TTLL6: variants seen among roughly 807,000 people sequenced by gnomAD.
The protein encoded by TTLL6 is tubulin tyrosine ligase like 6.
TTLL6 carries 75 observed loss-of-function variants against 96.4 expected under a neutral mutation model. The observed-to-expected ratio is 0.78, with a 90% CI of 0.65 to 0.94. The LOEUF (loss-of-function observed/expected upper bound fraction) is 0.94. Among genes scored for constraint, TTLL6 ranks in the 40% least tolerant of loss-of-function variants. The pLI, the probability that TTLL6 is intolerant of heterozygous loss-of-function variation, is 0.00. For synonymous variants in TTLL6, 411 were observed against 419.4 expected (o/e 0.98, Z 0.24); for missense variants, 1,030 against 1,093.0 (o/e 0.94, Z 0.81).
intron 1 of TTLL6, among the ~76,000 whole-genome samples, chr17:48,812,882 A>G (rs931673060): frequency 6.6e-6 from 1 of 152,226 alleles, no homozygotes; most frequent in African/African-American, 2.4e-5. Context: ...TTACATTGTT[A>G]AAACATCAAC....
At chr17:48,773,667 A>G (rs2143217452) in intron 13 of TTLL6, among the ~76,000 whole-genome samples, 1 of 152,272 alleles carries the variant, frequency 6.6e-6, no homozygotes, top group Admixed American at 6.5e-5. Flanking sequence ...GGTTGCAGTG[A>G]GCCATGATTG....
Position 48,786,265 on chromosome 17 carries a change from G to T in TTLL6, c.1660C>A (p.Gln554Lys), listed in dbSNP as rs1054041741. The change falls in exon 12 of 16, where the codon CAG becomes AAG. Residue 554 changes from glutamine (Q) to lysine (K), a missense_variant. Physicochemically the swap from Gln to Lys is moderately conservative, Grantham distance 53. Transcript: ENST00000393382. ...ACTTGCTCGCCTGCCGATTCCCCCTGCATCTCTACCTTCTTCTTCATTTGG... is the reference window on the plus strand; with the variant it reads ...ACTTGCTCGCCTGCCGATTCCCCCTTCATCTCTACCTTCTTCTTCATTTGG... The part of the protein sequence containing the change: ...PFQMKKKVEM[Q>K]GESAGEQVRK... 4 of 1,614,038 alleles carry T rather than the reference G, an allele frequency of 2.5e-6. No homozygotes were observed. Among genetic ancestry groups the T allele is most frequent in the Admixed American group, 3.3e-5 (2 of 60,004 alleles).
intron 13 of TTLL6, among the ~76,000 whole-genome samples, chr17:48,775,721 A>G (rs1013172187): frequency 6.6e-6 from 1 of 152,034 alleles, no homozygotes; most frequent in African/African-American, 2.4e-5. Flanking sequence ...TTGTATTTTT[A>G]GTAGAGATGG....
At chr17:48,802,118 GAAA>G (rs2039434878) in intron 3 of TTLL6, among the ~76,000 whole-genome samples, 14 of 127,384 alleles carry the variant, frequency 1.1e-4, no homozygotes, top group African/African-American at 3.6e-4. Context: ...AAGAAAGAAA[GAAA>G]GAAAGAAAGA....
chr17:48,800,497 G>C (rs2039390556), intron 5 of TTLL6, among the ~76,000 whole-genome samples: 2 of 152,146 alleles, frequency 1.3e-5, no homozygotes, highest in South Asian at 4.1e-4. Flanking sequence ...TGACCTGATG[G>C]CAAATACATT....
intron 13 of TTLL6, among the ~76,000 whole-genome samples, chr17:48,780,320 A>G (rs542481498): frequency 1.2e-4 from 19 of 152,222 alleles, no homozygotes; most frequent in African/African-American, 4.3e-4. Flanking sequence ...TGCTGGCATT[A>G]CAGATGGGAG....
intron 13 of TTLL6, among the ~76,000 whole-genome samples, chr17:48,777,953 C>G (rs1369596426): frequency 1.3e-5 from 2 of 151,580 alleles, no homozygotes; most frequent in Non-Finnish European, 2.9e-5. Flanking sequence ...ACCTGAGGTA[C>G]ATGAAAATCT....
At chr17:48,803,186 A>AAATGC (rs1264929185) in intron 3 of TTLL6, among the ~76,000 whole-genome samples, 3 of 151,996 alleles carry the variant, frequency 2.0e-5, no homozygotes, top group Non-Finnish European at 4.4e-5. Context: ...TAAAATAAAT[A>AAATGC]AATGCAATAC....
chr17:48,812,077 C>CA (rs2039605519), intron 1 of TTLL6: 4 of 102,064 alleles, frequency 3.9e-5, no homozygotes, highest in Admixed American at 1.2e-4. Context: ...CCCCCCCCCA[C>CA]CCCCCGCTCA....
At chr17:48,786,831 CTTTTTT>C (rs11446945) in intron 11 of TTLL6, among the ~76,000 whole-genome samples, 19,823 of 122,414 alleles carry the variant, frequency 0.16, 1,456 homozygotes, top group Non-Finnish European at 0.17. Flanking sequence ...CTTCTGTCAT[CTTTTTT>C]TTTTTTTTTT....
chr17:48,793,004 A>G (rs1229672019), intron 8 of TTLL6, among the ~76,000 whole-genome samples: 2 of 152,216 alleles, frequency 1.3e-5, no homozygotes, highest in Non-Finnish European at 2.9e-5. Context: ...ATTCAATTTA[A>G]TACCAGCCAT....
intron 13 of TTLL6, among the ~76,000 whole-genome samples, chr17:48,770,427 CT>C (rs1377822748): frequency 6.6e-6 from 1 of 151,952 alleles, no homozygotes; most frequent in Non-Finnish European, 1.5e-5. Context: ...ACTCTACAGC[CT>C]CCTCTAAAAG....
Position 48,791,455 on chromosome 17 carries a change from T to C in TTLL6, c.1147A>G (p.Thr383Ala). The C allele has an allele frequency of 2.5e-6, 4 of 1,614,036 alleles. No homozygotes were observed. The highest frequency in any genetic ancestry group is 3.4e-6 in the Non-Finnish European group (4 of 1,179,998). ...HNYHTCFPNH[T>A]LNSACFEILG... ...ATCTCAAAGCAGGCGCTGTTGAGTG[T>C]GTGGTTGGGGAAGCAGGTGTGGTAG... The change falls in exon 9 of 16, where the codon ACA becomes GCA. Residue 383 changes from threonine (T) to alanine (A), a missense_variant. Coordinates refer to ENST00000393382, the MANE Select transcript of TTLL6 (RefSeq NM_001130918.3).
intron 13 of TTLL6, among the ~76,000 whole-genome samples, chr17:48,780,998 T>G (rs564685485): frequency 6.6e-6 from 1 of 152,290 alleles, no homozygotes; most frequent in Non-Finnish European, 1.5e-5. Context: ...TCAATTATTT[T>G]GGGTATATAC....
rs1329861385 is a variant in TTLL6, at chr17:48,785,171, T to C, written c.1792A>G (p.Thr598Ala). ...CTGACACTCAAGAGCAAGTCAGGTG[T>C]GTAGGATACTAATGTCAATGGCTGG... ...YIQPLTLVSY[T>A]PDLLLSVRGE... is the part of the protein sequence containing the mutation. The change falls in exon 13 of 16, where the codon ACA (threonine) becomes GCA (alanine). Residue 598 changes from threonine to alanine, a missense_variant. Coordinates refer to ENST00000393382, the MANE Select transcript of TTLL6 (RefSeq NM_001130918.3). 2 of 1,614,160 alleles carry C rather than the reference T, an allele frequency of 1.2e-6. No homozygotes were observed. The highest frequency in any genetic ancestry group is 1.7e-6 in the Non-Finnish European group (2 of 1,180,050).
At chr17:48,795,912 T>C (rs974574353) in intron 8 of TTLL6, 149 bp downstream of exon 8, 2 of 603,936 alleles carry the variant, frequency 3.3e-6, no homozygotes, top group Admixed American at 3.0e-5. Flanking sequence ...AAGGAATTTG[T>C]TCTGGGTTGC....
At chr17:48,810,096 GCCATTGTACT>G (rs2039557585) in intron 1 of TTLL6, among the ~76,000 whole-genome samples, 1 of 141,898 alleles carries the variant, frequency 7.0e-6, no homozygotes, top group African/African-American at 2.7e-5. Flanking sequence ...CCGAGATCAT[GCCATTGTACT>G]CCAGCCTGGA....
At chr17:48,781,453 C>T (rs990926140) in intron 13 of TTLL6, among the ~76,000 whole-genome samples, 1 of 152,082 alleles carries the variant, frequency 6.6e-6, no homozygotes, top group East Asian at 1.9e-4. Context: ...ACATCCTCAC[C>T]GAGGCTTATT....
At position 48,786,343 on chromosome 17, in the gene TTLL6, T is replaced by G. The variant is rs758300674; in HGVS notation, c.1590-8A>C. 1 of 1,614,082 alleles carries G rather than the reference T, an allele frequency of 6.2e-7. No homozygotes were observed. The highest frequency in any genetic ancestry group is 1.3e-5 in the African/African-American group (1 of 74,932). ...AGCTCCTGGATCAGTTGCCTGCCCA[T>G]GAAGAACAAGTGAACATCATGGGGG... On this transcript the variant is annotated splice_polypyrimidine_tract_variant and splice_region_variant and intron_variant, in intron 11 of 15. Coordinates refer to ENST00000393382, the MANE Select transcript of TTLL6 (RefSeq NM_001130918.3).
Sources: allele counts gnomAD v4.1 joint callset (sites outside exome capture counted in the v4.1 genomes callset), GRCh38; gene constraint gnomAD v4.1.1; transcripts MANE v1.5; gene names NCBI Gene and HGNC (gene_info 2026-07-23, HGNC 2026-07-21).